The following THSD7B variants were observed in gnomAD, a reference collection of about 807,000 sequenced individuals.
THSD7B encodes the protein thrombospondin type-1 domain-containing protein 7B.
Under a neutral mutation model 213.6 loss-of-function variants are expected in THSD7B, and 138 were observed. That is an observed-to-expected ratio of 0.65 (90% confidence interval 0.56 to 0.74). THSD7B has a LOEUF of 0.74. THSD7B is among the 30% of genes least tolerant of loss of function. THSD7B has a pLI of 0.00. For synonymous variants in THSD7B, 742 were observed against 687.0 expected (o/e 1.08, Z -1.25); for missense variants, 1,931 against 1,991.5 (o/e 0.97, Z 0.58).
At chr2:137,309,749 T>A (rs1165564933) in intron 12 of THSD7B, among the ~76,000 whole-genome samples, 2 of 152,014 alleles carry the variant, frequency 1.3e-5, no homozygotes, top group Non-Finnish European at 2.9e-5. Flanking sequence ...AGTGAGAATG[T>A]GCGGTGTTTG....
intron 13 of THSD7B, among the ~76,000 whole-genome samples, chr2:137,407,095 G>C (rs1007442672): frequency 3.3e-5 from 5 of 151,914 alleles, no homozygotes; most frequent in African/African-American, 1.2e-4. Context: ...CTTTTTTCTT[G>C]AAAGTTTATT....
At chr2:137,230,412 T>G (rs2105053725) in intron 7 of THSD7B, among the ~76,000 whole-genome samples, 1 of 152,274 alleles carries the variant, frequency 6.6e-6, no homozygotes, top group South Asian at 2.1e-4. Context: ...TATTTTTTGG[T>G]TTAGCAATGC....
chr2:137,390,187 G>A (rs1685987852), intron 12 of THSD7B, among the ~76,000 whole-genome samples: 1 of 152,082 alleles, frequency 6.6e-6, no homozygotes, highest in Non-Finnish European at 1.5e-5. Flanking sequence ...ATGAGCGTGG[G>A]ATGTCCTTCC....
intron 4 of THSD7B, among the ~76,000 whole-genome samples, chr2:137,099,256 A>G (rs973974091): frequency 5.9e-5 from 9 of 152,166 alleles, no homozygotes; most frequent in African/African-American, 2.2e-4. Context: ...GATAGGAGTC[A>G]TTTAGGATAC....
chr2:137,345,884 C>T (rs549056298), intron 12 of THSD7B, among the ~76,000 whole-genome samples: 6 of 151,710 alleles, frequency 4.0e-5, no homozygotes, highest in African/African-American at 1.4e-4. Context: ...TGAACAGACA[C>T]ACACACACAT....
intron 1 of THSD7B, among the ~76,000 whole-genome samples, chr2:136,881,429 A>T (rs895073170): frequency 6.6e-6 from 1 of 152,138 alleles, no homozygotes; most frequent in African/African-American, 2.4e-5. Context: ...TGAGGCCTTC[A>T]GTGGGTGAGG....
chr2:137,232,898 G>A lies in THSD7B; in HGVS notation c.1916-1G>A. 6.2e-7 allele frequency: 1 copy of A among 1,613,584 alleles called. No homozygotes were observed. Among genetic ancestry groups the A allele is most frequent in the Non-Finnish European group, 8.5e-7 (1 of 1,179,638 alleles). On this transcript the variant is annotated splice_acceptor_variant, in intron 8 of 27. Coordinates refer to ENST00000409968, the MANE Select transcript of THSD7B (RefSeq NM_001316349.2). LOFTEE classifies it high-confidence loss of function. ...TTACCTTTTGTTCTTATTTTTGGCAGGTGGAAAGCCATGTCCCCCTAGTCA... is the reference window on the plus strand; with the variant it reads ...TTACCTTTTGTTCTTATTTTTGGCAAGTGGAAAGCCATGTCCCCCTAGTCA...
At chr2:137,542,421 C>T (rs1210233583) in intron 15 of THSD7B, among the ~76,000 whole-genome samples, 1 of 151,480 alleles carries the variant, frequency 6.6e-6, no homozygotes, top group Non-Finnish European at 1.5e-5. Context: ...TAATTGCTAG[C>T]TGATCAGACC....
intron 1 of THSD7B, among the ~76,000 whole-genome samples, chr2:136,859,999 C>T (rs551448757): frequency 6.9e-6 from 1 of 144,146 alleles, no homozygotes; most frequent in East Asian, 2.1e-4. Context: ...GGAGTAGATT[C>T]GAGAAAACAA....
chr2:137,005,653 G>A (rs1054895194), intron 2 of THSD7B, among the ~76,000 whole-genome samples: 2 of 152,152 alleles, frequency 1.3e-5, no homozygotes, highest in South Asian at 4.1e-4. Flanking sequence ...GGCTTCTATT[G>A]TAGAGAAAAA....
intron 15 of THSD7B, among the ~76,000 whole-genome samples, chr2:137,512,673 C>A (rs1201974950): frequency 6.6e-6 from 1 of 151,900 alleles, no homozygotes; most frequent in Admixed American, 6.6e-5. Flanking sequence ...GGATTACAAG[C>A]GTAAGCCACC....
At chr2:136,923,228 G>A (rs958990605) in intron 2 of THSD7B, among the ~76,000 whole-genome samples, 59 of 152,196 alleles carry the variant, frequency 3.9e-4, no homozygotes, top group Admixed American at 1.9e-3. Flanking sequence ...TTTTTGGACT[G>A]GTTTATTTCT....
At chr2:137,611,073 C>T (rs1033423388) in intron 17 of THSD7B, among the ~76,000 whole-genome samples, 3 of 150,516 alleles carry the variant, frequency 2.0e-5, no homozygotes, top group African/African-American at 7.3e-5. Context: ...AAAAGACAAG[C>T]AAACCTTTAT....
chr2:137,325,055 C>T (rs565716239), intron 12 of THSD7B, among the ~76,000 whole-genome samples: 1 of 152,198 alleles, frequency 6.6e-6, no homozygotes, highest in Non-Finnish European at 1.5e-5. Context: ...TTAAGCAGTG[C>T]GTCTATTCGA....
At chr2:137,049,731 G>C (rs1687034506) in intron 2 of THSD7B, among the ~76,000 whole-genome samples, 1 of 152,120 alleles carries the variant, frequency 6.6e-6, no homozygotes, top group Admixed American at 6.5e-5. Context: ...ATAGTGAAGG[G>C]ACCCTGGGAG....
chr2:137,124,260 G>A (rs2104946601), intron 5 of THSD7B, among the ~76,000 whole-genome samples: 1 of 152,250 alleles, frequency 6.6e-6, no homozygotes, highest in South Asian at 2.1e-4. Flanking sequence ...TCTTGGCAGT[G>A]CAATTTCTGA....
At chr2:136,779,426 T>C (rs1001247966) in intron 1 of THSD7B, among the ~76,000 whole-genome samples, 5 of 152,174 alleles carry the variant, frequency 3.3e-5, no homozygotes, top group Non-Finnish European at 5.9e-5. Context: ...TAATTTATGT[T>C]GTAGCCTTTC....
At chr2:137,641,305 G>A (rs1376170071) in intron 20 of THSD7B, among the ~76,000 whole-genome samples, 1 of 152,082 alleles carries the variant, frequency 6.6e-6, no homozygotes, top group Admixed American at 6.5e-5. Context: ...CCTCCTCTGT[G>A]TGGCGTACTC....
intron 12 of THSD7B, among the ~76,000 whole-genome samples, chr2:137,285,460 T>C (rs1370650150): frequency 2.0e-5 from 3 of 152,112 alleles, no homozygotes; most frequent in African/African-American, 7.2e-5. Flanking sequence ...TAGCTGGTTA[T>C]TTGGCTCATT....
Sources: gnomAD v4.1 joint callset for allele counts (sites outside exome capture counted in the v4.1 genomes callset) on GRCh38, gnomAD v4.1.1 for gene constraint, MANE v1.5 for transcripts, NCBI Gene and HGNC (gene_info 2026-07-23, HGNC 2026-07-21) for gene names.